ROBO2: variants seen among roughly 807,000 people sequenced by gnomAD.
ROBO2 encodes roundabout homolog 2.
In ROBO2, 53 loss-of-function variants were observed where a neutral mutation model predicts 160.8. The ratio of observed to expected loss-of-function variants is 0.33; its 90% confidence interval spans 0.26 to 0.41. The LOEUF is 0.41. Ranked by LOEUF, ROBO2 falls within the 10% of genes least tolerant of loss-of-function variation. The pLI is 1.00. For synonymous variants in ROBO2, 664 were observed against 611.7 expected (o/e 1.09, Z -1.26); for missense variants, 1,577 against 1,722.4 (o/e 0.92, Z 1.49).
At chr3:76,179,304 T>C (rs903355141) in intron 2 of ROBO2, among the ~76,000 whole-genome samples, 2 of 152,114 alleles carry the variant, frequency 1.3e-5, no homozygotes, top group African/African-American at 4.8e-5. Flanking sequence ...CTGAAGACTT[T>C]CAAAGCACTG....
intron 2 of ROBO2, among the ~76,000 whole-genome samples, chr3:76,387,127 A>C (rs550848855): frequency 2.0e-5 from 3 of 152,250 alleles, no homozygotes; most frequent in South Asian, 4.1e-4. Flanking sequence ...CTGTGCCCTC[A>C]CATGGCAGGG....
At chr3:77,282,184 T>A (rs1398317950) in intron 2 of ROBO2, among the ~76,000 whole-genome samples, 1 of 152,184 alleles carries the variant, frequency 6.6e-6, no homozygotes, top group Admixed American at 6.5e-5. Context: ...AGTTTGCAGA[T>A]ATGGAGGGTT....
At chr3:76,703,554 C>T (rs2093092045) in intron 2 of ROBO2, among the ~76,000 whole-genome samples, 2 of 152,040 alleles carry the variant, frequency 1.3e-5, no homozygotes, top group South Asian at 2.1e-4. Context: ...TGATGTTCCC[C>T]TCCCTGTGTC....
intron 2 of ROBO2, among the ~76,000 whole-genome samples, chr3:76,049,385 A>ATG (rs1559867072): frequency 0.02 from 1,323 of 67,112 alleles, 116 homozygotes; most frequent in African/African-American, 0.099. Flanking sequence ...TAATTTTAGT[A>ATG]TATATATATA....
chr3:75,934,708 TTTGAAAACCATCTGTCC>T (rs1233476995), intron 1 of ROBO2, among the ~76,000 whole-genome samples: 1 of 152,102 alleles, frequency 6.6e-6, no homozygotes, highest in Non-Finnish European at 1.5e-5. Flanking sequence ...ATAATAACAT[TTTGAAAACCATCTGTCC>T]TTTAAAATGT....
At chr3:77,614,228 C>T (rs2094715387) in intron 21 of ROBO2, among the ~76,000 whole-genome samples, 2 of 152,130 alleles carry the variant, frequency 1.3e-5, no homozygotes, top group African/African-American at 4.8e-5. Context: ...AAACTGAAAG[C>T]AGAAAATCCC....
chr3:77,487,523 A>ACATTCAGACAGCCTGATCATTAT (rs1331569989), intron 4 of ROBO2, among the ~76,000 whole-genome samples: 1 of 152,338 alleles, frequency 6.6e-6, no homozygotes, highest in African/African-American at 2.4e-5. Context: ...TTATTTAATC[A>ACATTCAGACAGCCTGATCATTAT]CATTCAGACA....
At chr3:76,143,138 C>T (rs1234964979) in intron 2 of ROBO2, among the ~76,000 whole-genome samples, 1 of 151,940 alleles carries the variant, frequency 6.6e-6, no homozygotes, top group East Asian at 1.9e-4. Flanking sequence ...GTGATTTTCC[C>T]ACCTCAGCCT....
intron 2 of ROBO2, among the ~76,000 whole-genome samples, chr3:76,856,393 A>G (rs1240862705): frequency 6.6e-6 from 1 of 152,198 alleles, no homozygotes; most frequent in Non-Finnish European, 1.5e-5. Flanking sequence ...GAACATAGCC[A>G]TCATCTCACA....
intron 2 of ROBO2, among the ~76,000 whole-genome samples, chr3:76,251,167 T>G (rs1705970760): frequency 6.6e-6 from 1 of 152,046 alleles, no homozygotes; most frequent in Admixed American, 6.6e-5. Flanking sequence ...TGTATTCTTG[T>G]AACTGAAGAT....
intron 2 of ROBO2, among the ~76,000 whole-genome samples, chr3:75,973,046 A>G (rs1204545835): frequency 2.6e-5 from 4 of 151,702 alleles, no homozygotes; most frequent in Non-Finnish European, 5.9e-5. Flanking sequence ...AAGCTATTCT[A>G]AATAATAACA....
At chr3:76,051,330 C>T (rs2067647381) in intron 2 of ROBO2, among the ~76,000 whole-genome samples, 1 of 152,140 alleles carries the variant, frequency 6.6e-6, no homozygotes, top group South Asian at 2.1e-4. Flanking sequence ...TTACACATCT[C>T]AAAGGAATTT....
chr3:76,860,509 C>T (rs545579681), intron 2 of ROBO2, among the ~76,000 whole-genome samples: 32 of 152,006 alleles, frequency 2.1e-4, no homozygotes, highest in South Asian at 4.1e-4. Context: ...TTTTTAATTG[C>T]TTATGTCTCC....
intron 2 of ROBO2, among the ~76,000 whole-genome samples, chr3:76,027,465 G>A (rs1162467441): frequency 6.6e-6 from 1 of 151,804 alleles, no homozygotes; most frequent in East Asian, 1.9e-4. Flanking sequence ...GTGAGCAAAA[G>A]GGGGCTTATG....
intron 2 of ROBO2, among the ~76,000 whole-genome samples, chr3:76,386,511 T>C (rs2076898182): frequency 6.6e-6 from 1 of 152,116 alleles, no homozygotes; most frequent in African/African-American, 2.4e-5. Context: ...AATACACTTT[T>C]TTAAGGGTTT....
At chr3:76,460,539 T>C (rs1382536868) in intron 2 of ROBO2, among the ~76,000 whole-genome samples, 1 of 152,160 alleles carries the variant, frequency 6.6e-6, no homozygotes, top group Admixed American at 6.6e-5. Flanking sequence ...CCAGCTGACA[T>C]GTTGTAAGGA....
At chr3:76,082,727 A>T (rs2068875286) in intron 2 of ROBO2, among the ~76,000 whole-genome samples, 1 of 152,174 alleles carries the variant, frequency 6.6e-6, no homozygotes, top group African/African-American at 2.4e-5. Context: ...TTTCTTTAAA[A>T]AAATCATTAC....
chr3:77,281,388 A>G (rs2060228861), intron 2 of ROBO2, among the ~76,000 whole-genome samples: 1 of 152,146 alleles, frequency 6.6e-6, no homozygotes, highest in South Asian at 2.1e-4. Context: ...GTTTTTCTAG[A>G]CAGTGTTAGT....
At chr3:77,624,831 G>C (rs936175523) in intron 23 of ROBO2, among the ~76,000 whole-genome samples, 1 of 152,138 alleles carries the variant, frequency 6.6e-6, no homozygotes, top group African/African-American at 2.4e-5. Context: ...ACAGGAGGCA[G>C]CATGGGTTAC....
Sources: allele counts gnomAD v4.1 joint callset (sites outside exome capture counted in the v4.1 genomes callset), GRCh38; gene constraint gnomAD v4.1.1; transcripts MANE v1.5; gene names NCBI Gene and HGNC (gene_info 2026-07-23, HGNC 2026-07-21).